The following PREX2 variants were observed in gnomAD, a reference collection of about 807,000 sequenced individuals.
The protein encoded by PREX2 is phosphatidylinositol-3,4,5-trisphosphate dependent Rac exchange factor 2.
Under a neutral mutation model 203.2 loss-of-function variants are expected in PREX2, and 107 were observed. That is an observed-to-expected ratio of 0.53 (90% CI 0.45 to 0.62). The LOEUF is 0.62. Among genes scored for constraint, PREX2 ranks in the 20% least tolerant of loss-of-function variants. The pLI, the probability that PREX2 is intolerant of heterozygous loss-of-function variation, is 0.00. For synonymous variants in PREX2, 672 were observed against 663.6 expected, an observed-to-expected ratio of 1.01 and a Z score of -0.19; for missense variants, 1,777 against 1,955.9, an observed-to-expected ratio of 0.91 and a Z score of 1.72.
chr8:68,224,471 G>A (rs1813017048), intron 38 of PREX2, 88 bp from the exon 39 acceptor site: 4 of 1,004,426 alleles, frequency 4.0e-6, no homozygotes, highest in Non-Finnish European at 6.3e-6. Flanking sequence ...GACATTGTTT[G>A]AATAAGTATC....
intron 1 of PREX2, among the ~76,000 whole-genome samples, chr8:68,008,927 G>C (rs9298125): frequency 1.3e-5 from 2 of 152,014 alleles, no homozygotes; most frequent in Non-Finnish European, 2.9e-5. Flanking sequence ...CCTTTTCTCC[G>C]GTATGTCTTT....
chr8:68,089,371 T>A (rs1220251415), intron 19 of PREX2, among the ~76,000 whole-genome samples: 1 of 152,182 alleles, frequency 6.6e-6, no homozygotes, highest in African/African-American at 2.4e-5. Flanking sequence ...TGTTCCTACG[T>A]TACAGACAAA....
chr8:68,156,155 G>A (rs1318947568), intron 34 of PREX2, among the ~76,000 whole-genome samples: 1 of 152,058 alleles, frequency 6.6e-6, no homozygotes, highest in Non-Finnish European at 1.5e-5. Context: ...CAAAATCCTG[G>A]GCTCAAGTTA....
At chr8:67,952,731 A>G in intron 1 of PREX2, 196 bp downstream of exon 1, 1 of 722,216 alleles carries the variant, frequency 1.4e-6, no homozygotes, top group Non-Finnish European at 2.4e-6. Flanking sequence ...TGGTGCCCCG[A>G]GACTCACTGA....
At chr8:68,191,640 A>G (rs1812296729) in intron 35 of PREX2, 82 bp from the exon 36 acceptor site, 2 of 985,268 alleles carry the variant, frequency 2.0e-6, no homozygotes, top group Admixed American at 1.9e-5. Flanking sequence ...TTTAAAAAAA[A>G]GTCAGTGATT....
At chr8:67,999,063 A>G (rs4552885) in intron 1 of PREX2, among the ~76,000 whole-genome samples, 87,212 of 151,852 alleles carry the variant, frequency 0.57, 25,323 homozygotes, top group South Asian at 0.66. Flanking sequence ...TCTCAATTGA[A>G]ATACATAAAT....
chr8:67,966,345 G>T (rs746370063), intron 1 of PREX2, among the ~76,000 whole-genome samples: 2 of 151,570 alleles, frequency 1.3e-5, no homozygotes, highest in Non-Finnish European at 2.9e-5. Flanking sequence ...TTCTTTTCCA[G>T]TATGTCACAA....
At position 68,234,801 on chromosome 8, in the gene PREX2, T is replaced by A. The variant is rs1813234543; in HGVS notation, c.*3423T>A. ...TCTTGCAGCAAATTTTAAATCAATT[T>A]AAAATTAGGTAAACTTTTTATGATA... is the stretch of plus-strand genomic sequence containing the variant. On this transcript the variant is annotated 3_prime_UTR_variant, in exon 40 of 40. Transcript: ENST00000288368. The A allele has an allele frequency of 6.6e-6, 1 of 152,126 alleles. No homozygotes were observed. The highest frequency in any genetic ancestry group is 1.5e-5 in the Non-Finnish European group (1 of 68,026). 9.4% of individuals were successfully genotyped at this position (152,126 alleles called of 1,614,324 possible).
intron 20 of PREX2, among the ~76,000 whole-genome samples, chr8:68,091,505 A>G (rs1331214492): frequency 6.6e-6 from 1 of 152,318 alleles, no homozygotes; most frequent in East Asian, 1.9e-4. Flanking sequence ...GGATGCAACT[A>G]TGTCCAAACC....
intron 1 of PREX2, among the ~76,000 whole-genome samples, chr8:68,012,857 A>C (rs1807304703): frequency 6.6e-6 from 1 of 152,258 alleles, no homozygotes; most frequent in Non-Finnish European, 1.5e-5. Context: ...TTCACTACAA[A>C]GGTTTATTTT....
At chr8:68,153,472 A>G (rs956217358) in intron 34 of PREX2, among the ~76,000 whole-genome samples, 7 of 152,144 alleles carry the variant, frequency 4.6e-5, no homozygotes, top group African/African-American at 9.7e-5. Context: ...TTCTTCCTCT[A>G]CTTGAAAAGT....
At chr8:68,050,514 G>A (rs986652949) in intron 8 of PREX2, among the ~76,000 whole-genome samples, 8 of 152,252 alleles carry the variant, frequency 5.3e-5, no homozygotes, top group South Asian at 2.1e-4. Flanking sequence ...ATTCTTCCCC[G>A]TTATCCAATC....
chr8:68,158,865 A>T (rs1294116985), intron 35 of PREX2, among the ~76,000 whole-genome samples: 1 of 152,174 alleles, frequency 6.6e-6, no homozygotes, highest in Non-Finnish European at 1.5e-5. Flanking sequence ...CAAGGTGTCC[A>T]TCATCAGGAA....
chr8:68,146,799 G>T (rs965521034), intron 34 of PREX2, among the ~76,000 whole-genome samples: 1 of 152,128 alleles, frequency 6.6e-6, no homozygotes, highest in African/African-American at 2.4e-5. Flanking sequence ...GTATCAATGG[G>T]TGGTTAAATT....
At chr8:68,169,743 G>T (rs1416003633) in intron 35 of PREX2, among the ~76,000 whole-genome samples, 1 of 152,164 alleles carries the variant, frequency 6.6e-6, no homozygotes, top group Non-Finnish European at 1.5e-5. Flanking sequence ...GGAGTGAACA[G>T]TAGACGGTGA....
At chr8:68,215,738 C>T (rs1469497460) in intron 37 of PREX2, among the ~76,000 whole-genome samples, 3 of 151,960 alleles carry the variant, frequency 2.0e-5, no homozygotes, top group African/African-American at 4.8e-5. Context: ...GAGGTTTCAC[C>T]GTGTTAACCA....
At chr8:68,208,695 T>C (rs1054488183) in intron 37 of PREX2, among the ~76,000 whole-genome samples, 5 of 152,164 alleles carry the variant, frequency 3.3e-5, no homozygotes, top group Non-Finnish European at 5.9e-5. Flanking sequence ...AGTTCAAAGA[T>C]TGCTGAAACT....
intron 35 of PREX2, among the ~76,000 whole-genome samples, chr8:68,185,126 G>A (rs13282983): frequency 0.14 from 21,102 of 151,978 alleles, 1,725 homozygotes; most frequent in East Asian, 0.2. Context: ...AGGGTCTCTC[G>A]CAGCATTCAG....
intron 39 of PREX2, among the ~76,000 whole-genome samples, chr8:68,229,728 G>A (rs939017640): frequency 6.6e-6 from 1 of 152,176 alleles, no homozygotes; most frequent in Non-Finnish European, 1.5e-5. Context: ...AGATCTCATG[G>A]GGCAGGACAT....
Sources: allele counts gnomAD v4.1 joint callset (sites outside exome capture counted in the v4.1 genomes callset), GRCh38; gene constraint gnomAD v4.1.1; transcripts MANE v1.5; gene names NCBI Gene and HGNC (gene_info 2026-07-23, HGNC 2026-07-21).